ICA1: variants seen among roughly 807,000 people sequenced by gnomAD.
ICA1 encodes islet cell autoantigen 1, also known as 69 kDa islet cell autoantigen.
A neutral mutation model predicts 71.0 loss-of-function variants in ICA1; 40 were observed. The observed-to-expected ratio is 0.56, with a 90% CI of 0.44 to 0.73. The LOEUF is 0.73. ICA1 is among the 30% of genes least tolerant of loss of function. The pLI is 0.00. For missense variants in ICA1, 578 were observed against 576.5 expected (o/e 1.00, Z -0.03); for synonymous variants, 207 against 209.5 (o/e 0.99, Z 0.10).
intron 1 of ICA1, among the ~76,000 whole-genome samples, chr7:8,259,087 C>A (rs960922630): frequency 6.6e-6 from 1 of 152,124 alleles, no homozygotes; most frequent in Non-Finnish European, 1.5e-5. Flanking sequence ...GAAGCTTGAC[C>A]GGGAATCCAC....
chr7:8,237,803 TG>T (rs1431540443), intron 1 of ICA1, among the ~76,000 whole-genome samples: 1 of 148,862 alleles, frequency 6.7e-6, no homozygotes, highest in East Asian at 1.9e-4. Flanking sequence ...GCATTGTATA[TG>T]CAATGTTGAA....
At chr7:8,253,573 T>C (rs1209758379) in intron 1 of ICA1, among the ~76,000 whole-genome samples, 1 of 152,202 alleles carries the variant, frequency 6.6e-6, no homozygotes, top group Non-Finnish European at 1.5e-5. Context: ...ACCAGTTTTT[T>C]TCAACCAAAG....
intron 6 of ICA1, among the ~76,000 whole-genome samples, chr7:8,158,928 C>A (rs555930778): frequency 1.3e-5 from 2 of 152,294 alleles, no homozygotes; most frequent in South Asian, 4.1e-4. Context: ...CATTCACAAA[C>A]TGATCATGGT....
chr7:8,238,320 A>G lies in ICA1; in HGVS notation c.-79-2315T>C, dbSNP rs370447757. Among the ~76,000 whole-genome samples, 26 of 152,302 alleles carry G rather than the reference A, an allele frequency of 1.7e-4. No homozygotes were observed. In the East Asian group the frequency reaches 3.5e-3, roughly 20 times the overall value. Reference sequence around the variant, plus strand: ...GTTAATGTTTGTTTCCATTTTTAAAAATAATAGCCATCCGAAGCATTGTGA... The same window carrying G: ...GTTAATGTTTGTTTCCATTTTTAAAGATAATAGCCATCCGAAGCATTGTGA... On this transcript the variant is annotated intron_variant, in intron 1 of 13. Transcript: ENST00000402384.
Position 8,128,038 on chromosome 7 carries a change from C to T in ICA1, c.1165G>A (p.Glu389Lys), listed in dbSNP as rs755126133. ...IFNASSLEEGEFSKEWAAVFG... is the reference protein window; with the variant it reads ...IFNASSLEEGKFSKEWAAVFG... ...ACAGCGGCCCACTCTTTGCTGAACTCGCCCTCTTCCAAGGAGGAAGCATTG... is the reference window on the plus strand; with the variant it reads ...ACAGCGGCCCACTCTTTGCTGAACTTGCCCTCTTCCAAGGAGGAAGCATTG... Residue 389 changes from glutamate to lysine, a missense_variant, in exon 13 of 14, where the codon GAG (glutamate) becomes AAG (lysine). By Grantham distance (56) the Glu-to-Lys change is moderately conservative. Coordinates refer to ENST00000402384, the MANE Select transcript of ICA1 (RefSeq NM_001136020.3). 5.0e-6 allele frequency: 8 copies of T among 1,614,230 alleles called. No homozygotes were observed. Among genetic ancestry groups the T allele is most frequent in the South Asian group, 1.1e-5 (1 of 91,082 alleles).
chr7:8,168,969 T>C (rs1404907137), intron 6 of ICA1, among the ~76,000 whole-genome samples: 1 of 152,134 alleles, frequency 6.6e-6, no homozygotes, highest in Non-Finnish European at 1.5e-5. Flanking sequence ...AATCATGATA[T>C]AAGACATTCT....
At chr7:8,246,211 A>G (rs1161686124) in intron 1 of ICA1, among the ~76,000 whole-genome samples, 13 of 152,196 alleles carry the variant, frequency 8.5e-5, no homozygotes, top group Admixed American at 8.5e-4. Flanking sequence ...GCGCCAAGAT[A>G]TTGTCACAGT....
intron 6 of ICA1, among the ~76,000 whole-genome samples, chr7:8,206,722 A>G (rs1161465420): frequency 7.3e-6 from 1 of 137,028 alleles, no homozygotes; most frequent in Non-Finnish European, 1.5e-5. Context: ...TTTCTCCCAC[A>G]GGTTTAAAAT....
At chr7:8,261,674 C>T (rs1293782564) in intron 1 of ICA1, among the ~76,000 whole-genome samples, 2 of 151,854 alleles carry the variant, frequency 1.3e-5, no homozygotes, top group Non-Finnish European at 2.9e-5. Flanking sequence ...ACAAGTCAAC[C>T]CTGGACGCAA....
intron 12 of ICA1, among the ~76,000 whole-genome samples, chr7:8,137,535 T>A (rs1793831261): frequency 6.6e-6 from 1 of 152,204 alleles, no homozygotes; most frequent in Non-Finnish European, 1.5e-5. Context: ...CTTTATTCTA[T>A]CAAAATAATC....
intron 6 of ICA1, among the ~76,000 whole-genome samples, chr7:8,169,901 A>AGTGTCTGTGTCTGTGTGTGTGT (rs1554305227): frequency 6.8e-6 from 1 of 147,086 alleles, no homozygotes. Context: ...TTAATGCCTG[A>AGTGTCTGTGTCTGTGTGTGTGT]GTGTGTGTGT....
chr7:8,128,233 T>G, intron 12 of ICA1, 91 bp from the exon 13 acceptor site: 1 of 1,302,420 alleles, frequency 7.7e-7, no homozygotes, highest in Non-Finnish European at 1.1e-6. Flanking sequence ...GGGAGACTGG[T>G]TGATGGCTAG....
intron 6 of ICA1, among the ~76,000 whole-genome samples, chr7:8,208,690 C>A (rs149738597): frequency 1.7e-4 from 26 of 152,304 alleles, no homozygotes; most frequent in African/African-American, 5.1e-4. Context: ...GTAAATCATA[C>A]TACCTGAACA....
chr7:8,147,508 A>G (rs1797436654), intron 8 of ICA1, among the ~76,000 whole-genome samples: 1 of 152,150 alleles, frequency 6.6e-6, no homozygotes, highest in African/African-American at 2.4e-5. Flanking sequence ...GGTGCTAAAT[A>G]TGTACTTGTT....
At chr7:8,237,157 T>C (rs1326818435) in intron 1 of ICA1, among the ~76,000 whole-genome samples, 1 of 152,180 alleles carries the variant, frequency 6.6e-6, no homozygotes, top group Non-Finnish European at 1.5e-5. Flanking sequence ...CTCTCTTCCT[T>C]GTGGAGAGCA....
chr7:8,220,468 T>G (rs919633853), intron 5 of ICA1, among the ~76,000 whole-genome samples: 1 of 152,206 alleles, frequency 6.6e-6, no homozygotes, highest in African/African-American at 2.4e-5. Flanking sequence ...TTTCTATAGC[T>G]TGAATATTTG....
At chr7:8,124,184 G>T (rs1323702000) in intron 13 of ICA1, among the ~76,000 whole-genome samples, 1 of 147,612 alleles carries the variant, frequency 6.8e-6, no homozygotes, top group Non-Finnish European at 1.5e-5. Context: ...GCAGTGGCGG[G>T]ATCTCGGCTC....
rs1051208721 is a variant in ICA1, at chr7:8,226,325, G to A, written c.256+2276C>T. ...CCTTCCTAAATTTCCTTTGCACAAT[G>A]AGCAGGCTTGCTCTCTAGATATAGA... is the stretch of plus-strand genomic sequence containing the variant. On this transcript the variant is annotated intron_variant, in intron 4 of 13. Coordinates refer to ENST00000402384, the MANE Select transcript of ICA1 (RefSeq NM_001136020.3). This position sits in a 1 kb window ranked among gnomAD's most constrained non-coding sequence, Gnocchi z 4.4. 6.6e-6 allele frequency among the ~76,000 whole-genome samples: 1 copy of A among 151,984 alleles called. No homozygotes were observed. Among genetic ancestry groups the A allele is most frequent in the Non-Finnish European group, 1.5e-5 (1 of 68,024 alleles).
At chr7:8,156,940 AAAAAAAAAAAAAAAGAAAG>A (rs1801781406) in intron 8 of ICA1, 157 bp downstream of exon 8, 1 of 239,074 alleles carries the variant, frequency 4.2e-6, no homozygotes, top group Non-Finnish European at 5.9e-6. Flanking sequence ...AAAAAAAAAA[AAAAAAAAAAAAAAAGAAAG>A]AAAGAAAGAA....
Sources: allele counts gnomAD v4.1 joint callset (sites outside exome capture counted in the v4.1 genomes callset), GRCh38; gene constraint gnomAD v4.1.1; non-coding constraint Gnocchi (gnomAD v3.1); transcripts MANE v1.5; gene names NCBI Gene and HGNC (gene_info 2026-07-23, HGNC 2026-07-21).